SUSD1: variants seen among roughly 807,000 people sequenced by gnomAD.
SUSD1 encodes the protein sushi domain containing 1, also known as sushi domain-containing protein 1.
In SUSD1, 65 loss-of-function variants were observed where a neutral mutation model predicts 86.9. That is an observed-to-expected ratio of 0.75 (90% confidence interval 0.61 to 0.92). SUSD1 has a LOEUF of 0.92. Ranked by LOEUF, SUSD1 falls within the 40% of genes least tolerant of loss-of-function variation. The probability of loss-of-function intolerance (pLI) is 0.00; values close to 1 mark genes in which losing one functional copy is unlikely to be tolerated. For missense variants in SUSD1, 850 were observed against 929.7 expected (o/e 0.91, Z 1.11); for synonymous variants, 346 against 350.0 (o/e 0.99, Z 0.13).
intron 10 of SUSD1, among the ~76,000 whole-genome samples, chr9:112,087,533 G>T (rs1406774315): frequency 6.6e-6 from 1 of 152,016 alleles, no homozygotes; most frequent in Admixed American, 6.6e-5. Context: ...GGGAGGAAAT[G>T]AAACAGGTGA....
chr9:112,149,317 G>A lies in SUSD1; in HGVS notation c.300C>T (p.Cys100=), dbSNP rs200649490. ...TGGCTCGATATCCTTCCAGGCAAAT[G>A]CAATAGAAGCCCCCGGGGGTGTTGT... ...SCHNTPGGFY[C]ICLEGYRATN... is the part of the protein sequence containing the mutation. The change falls in exon 3 of 17, where the codon TGC becomes TGT. Residue 100 remains cysteine, a synonymous_variant. Transcript: ENST00000374270. The A allele has an allele frequency of 1.1e-5, 17 of 1,614,014 alleles. No homozygotes were observed. The highest frequency in any genetic ancestry group is 9.9e-5 in the South Asian group (9 of 91,088).
At chr9:112,117,296 C>A (rs1182733614) in intron 6 of SUSD1, among the ~76,000 whole-genome samples, 1 of 152,212 alleles carries the variant, frequency 6.6e-6, no homozygotes, top group African/African-American at 2.4e-5. Context: ...GGCTTTTCTC[C>A]CCTCATGGAG....
intron 1 of SUSD1, among the ~76,000 whole-genome samples, chr9:112,158,542 C>T (rs541417556): frequency 3.3e-5 from 5 of 152,222 alleles, no homozygotes. Context: ...CAGGCGCACA[C>T]CACCACACCC....
At chr9:112,121,458 C>T (rs1486535860) in intron 6 of SUSD1, among the ~76,000 whole-genome samples, 1 of 152,108 alleles carries the variant, frequency 6.6e-6, no homozygotes, top group Non-Finnish European at 1.5e-5. Context: ...GGTCTGTTTC[C>T]CCTGTTGCAC....
chr9:112,077,318 T>C lies in SUSD1; in HGVS notation c.1753+1220A>G, dbSNP rs1829560198. On this transcript the variant is annotated intron_variant, in intron 12 of 16. Coordinates refer to ENST00000374270, the MANE Select transcript of SUSD1 (RefSeq NM_022486.5). ...GGGCTGAGCGTGGGAAGTCCTCACC[T>C]GACTACTTCTAATTTCTCAGTGAAA... is the stretch of plus-strand genomic sequence containing the variant. Among the ~76,000 whole-genome samples the C allele has an allele frequency of 2.6e-5, 4 of 151,960 alleles. No homozygotes were observed. In the South Asian group the frequency reaches 8.3e-4, roughly 32 times the overall value.
chr9:112,108,493 A>G (rs1431421910), intron 8 of SUSD1, among the ~76,000 whole-genome samples: 1 of 152,128 alleles, frequency 6.6e-6, no homozygotes, highest in Admixed American at 6.6e-5. Flanking sequence ...TAACAGAAAT[A>G]TGGGCTGTGC....
intron 9 of SUSD1, 71 bp downstream of exon 9, chr9:112,102,105 A>C: frequency 1.4e-6 from 1 of 740,296 alleles, no homozygotes; most frequent in African/African-American, 1.8e-5. Flanking sequence ...TACTTTGGAT[A>C]CTTACTTGGA....
At chr9:112,059,665 A>G (rs932071163) in intron 13 of SUSD1, among the ~76,000 whole-genome samples, 7 of 152,230 alleles carry the variant, frequency 4.6e-5, no homozygotes, top group Non-Finnish European at 7.3e-5. Flanking sequence ...TGTGGACAGA[A>G]AAACACACTA....
At chr9:112,076,512 T>C (rs1156739736) in intron 12 of SUSD1, among the ~76,000 whole-genome samples, 1 of 152,090 alleles carries the variant, frequency 6.6e-6, no homozygotes, top group African/African-American at 2.4e-5. Flanking sequence ...GAAACCGATT[T>C]GGGGGCGAGG....
intron 3 of SUSD1, among the ~76,000 whole-genome samples, chr9:112,147,081 T>C (rs952096155): frequency 6.6e-6 from 1 of 152,228 alleles, no homozygotes; most frequent in African/African-American, 2.4e-5. Context: ...TTCCCCTGAT[T>C]CCTTCCTCAC....
chr9:112,170,078 T>G (rs574966995), intron 1 of SUSD1, among the ~76,000 whole-genome samples: 1 of 152,246 alleles, frequency 6.6e-6, no homozygotes, highest in Non-Finnish European at 1.5e-5. Flanking sequence ...AGACCTAGCA[T>G]CCCATTTTAG....
At chr9:112,093,746 G>T (rs1211923730) in intron 10 of SUSD1, among the ~76,000 whole-genome samples, 1 of 152,184 alleles carries the variant, frequency 6.6e-6, no homozygotes, top group African/African-American at 2.4e-5. Context: ...TGAGTATAAA[G>T]ATAAGAGCTG....
chr9:112,142,472 A>G lies in SUSD1; in HGVS notation c.554T>C (p.Val185Ala), dbSNP rs901236931. The change falls in exon 5 of 17, where the codon GTT (valine) becomes GCT (alanine). Residue 185 changes from valine (V) to alanine (A), a missense_variant. Coordinates refer to ENST00000374270, the MANE Select transcript of SUSD1 (RefSeq NM_022486.5). ...ATTTCCTATGATATAGCCATCTGGA[A>G]CCTCAGGAGGGGTACCACAGTCTAT... Reference protein sequence around the residue: ...TEIDCGTPPEVPDGYIIGNYT... With the variant: ...TEIDCGTPPEAPDGYIIGNYT... 7 of 1,613,194 alleles carry G rather than the reference A, an allele frequency of 4.3e-6. No homozygotes were observed. Among genetic ancestry groups the G allele is most frequent in the Non-Finnish European group, 5.9e-6 (7 of 1,179,878 alleles).
At chr9:112,152,034 C>CA (rs571802583) in intron 2 of SUSD1, among the ~76,000 whole-genome samples, 5,941 of 135,476 alleles carry the variant, frequency 0.044, 401 homozygotes, top group African/African-American at 0.15. Flanking sequence ...AACTCCATCT[C>CA]AAAAAAAAAA....
chr9:112,060,755 G>A (rs754183074), intron 13 of SUSD1, among the ~76,000 whole-genome samples: 3 of 152,314 alleles, frequency 2.0e-5, no homozygotes, highest in Admixed American at 6.5e-5. Flanking sequence ...CAAACTTGCC[G>A]GGAGACTTGA....
In SUSD1 at chr9:112,113,019, C is replaced by A; in HGVS notation, c.887-151G>T. 1 of 605,780 alleles carries A rather than the reference C, an allele frequency of 1.7e-6. No individual in the cohort carries two copies. The highest frequency in any genetic ancestry group is 2.8e-5 in the East Asian group (1 of 35,410). The allele number at this position is 605,780 out of a possible 1,614,324, so 37.5% of individuals were successfully genotyped here. A position where few individuals can be genotyped will look rare whatever the true frequency, so the allele number is the denominator to read the frequency against. On this transcript the variant is annotated intron_variant, in intron 6 of 16. Transcript: ENST00000374270. The surrounding 1 kb of genome is among the most constrained non-coding windows in gnomAD (Gnocchi z 4.1). Reference sequence around the variant, plus strand: ...ACTGAGTCAGGCAATGCAAGCTCTCCCAAGCCAATCACCCAACTTCTCTTC... The same window carrying A: ...ACTGAGTCAGGCAATGCAAGCTCTCACAAGCCAATCACCCAACTTCTCTTC...
In SUSD1 at chr9:112,060,935, G is replaced by A. The variant is rs146482007; in HGVS notation, c.1850+2002C>T. 3.6e-4 allele frequency among the ~76,000 whole-genome samples: 55 copies of A among 152,278 alleles called. No individual in the cohort carries two copies. In the East Asian group the frequency reaches 9.8e-3, roughly 27 times the overall value. ...TTGGTTCCGTACATTGCTCACTAGA[G>A]GCATCATCGACAGAGTATGAATCAG... is the stretch of plus-strand genomic sequence containing the variant. On this transcript the variant is annotated intron_variant, in intron 13 of 16. Transcript: ENST00000374270.
intron 5 of SUSD1, among the ~76,000 whole-genome samples, chr9:112,125,074 G>C (rs559975712): frequency 1.3e-5 from 2 of 152,108 alleles, no homozygotes; most frequent in South Asian, 4.1e-4. Context: ...TCACTTAAGA[G>C]CCCAAGAAAG....
chr9:112,121,908 G>A (rs1433934136), intron 6 of SUSD1, among the ~76,000 whole-genome samples: 1 of 152,174 alleles, frequency 6.6e-6, no homozygotes, highest in Non-Finnish European at 1.5e-5. Context: ...TCATGTAGAA[G>A]TACACGCTTC....
Sources: allele counts gnomAD v4.1 joint callset (sites outside exome capture counted in the v4.1 genomes callset), GRCh38; gene constraint gnomAD v4.1.1; non-coding constraint Gnocchi (gnomAD v3.1); transcripts MANE v1.5; gene names NCBI Gene and HGNC (gene_info 2026-07-23, HGNC 2026-07-21).